Variants in DTL observed in about 807,000 individuals in gnomAD.
DTL encodes denticleless E3 ubiquitin protein ligase adapter.
DTL carries 46 observed loss-of-function variants against 87.0 expected under a neutral mutation model. That is an observed-to-expected ratio of 0.53 (90% confidence interval 0.42 to 0.68). DTL has a LOEUF of 0.68. Among genes scored for constraint, DTL ranks in the 30% least tolerant of loss-of-function variants. The probability of loss-of-function intolerance (pLI) is 0.00; values close to 1 mark genes in which losing one functional copy is unlikely to be tolerated. For missense variants in DTL, 737 were observed against 869.4 expected, an observed-to-expected ratio of 0.85 and a Z score of 1.91; for synonymous variants, 308 against 311.2, an observed-to-expected ratio of 0.99 and a Z score of 0.11.
At chr1:212,036,359 T>C (rs78450308) in intron 1 of DTL, among the ~76,000 whole-genome samples, 3,089 of 152,308 alleles carry the variant, frequency 0.02, 33 homozygotes, top group African/African-American at 0.026. Context: ...TATAGGTATA[T>C]ACCAGTGAAT....
At chr1:212,038,525 AT>A (rs1667551003) in intron 1 of DTL, among the ~76,000 whole-genome samples, 1 of 152,222 alleles carries the variant, frequency 6.6e-6, no homozygotes, top group Admixed American at 6.5e-5. Context: ...CATTCAAAAC[AT>A]TTCGTTAAAA....
At chr1:212,084,593 C>G (rs1324202458) in intron 13 of DTL, among the ~76,000 whole-genome samples, 1 of 152,182 alleles carries the variant, frequency 6.6e-6, no homozygotes, top group Non-Finnish European at 1.5e-5. Context: ...CTCATAGTTT[C>G]CCTTTCCCAG....
rs761480954 is a variant in DTL, at chr1:212,042,992, G to A, written c.53-1G>A. 6.3e-7 allele frequency: 1 copy of A among 1,597,694 alleles called. No homozygotes were observed. The highest frequency in any genetic ancestry group is 1.1e-5 in the South Asian group (1 of 87,612). ...TTCTATAAGGAATTATCTTGTTTTA[G>A]GATGGTCTTCACAATACCCTCTTCA... On this transcript the variant is annotated splice_acceptor_variant, in intron 1 of 14. Coordinates refer to ENST00000366991, the MANE Select transcript of DTL (RefSeq NM_016448.4). LOFTEE classifies it high-confidence loss of function.
At chr1:212,098,510 G>T (rs75084024) in intron 13 of DTL, among the ~76,000 whole-genome samples, 115 of 152,180 alleles carry the variant, frequency 7.6e-4, no homozygotes, top group African/African-American at 2.6e-3. Flanking sequence ...CTACCAGGGC[G>T]GTTAGAGAAA....
intron 10 of DTL, among the ~76,000 whole-genome samples, chr1:212,069,548 A>AT (rs397863295): frequency 0.02 from 2,949 of 144,486 alleles, 28 homozygotes; most frequent in Non-Finnish European, 0.022. Flanking sequence ...ATAGATATAA[A>AT]TTTTTTTTTT....
At chr1:212,092,150 T>C (rs1273421744) in intron 13 of DTL, among the ~76,000 whole-genome samples, 2 of 152,208 alleles carry the variant, frequency 1.3e-5, no homozygotes, top group Non-Finnish European at 2.9e-5. Flanking sequence ...ATTGTATCAT[T>C]CTTATGCCTT....
At chr1:212,059,427 A>T (rs183576768) in intron 5 of DTL, among the ~76,000 whole-genome samples, 4 of 152,320 alleles carry the variant, frequency 2.6e-5, no homozygotes, top group Admixed American at 2.0e-4. Context: ...AAACCATATG[A>T]TCATTTTAGT....
rs1655706114 is a variant in DTL, at chr1:212,104,219, T to C, written c.*1279T>C. ...GGAGCCCCCTTCCAGTCATGAAACT[T>C]CATTTGTTTTATCCATATCCCTGAG... On this transcript the variant is annotated 3_prime_UTR_variant, in exon 15 of 15. Transcript: ENST00000366991. The C allele has an allele frequency of 6.6e-6, 1 of 152,252 alleles. No homozygotes were observed. Among genetic ancestry groups the C allele is most frequent in the South Asian group, 2.1e-4 (1 of 4,834 alleles). 9.4% of individuals were successfully genotyped at this position (152,252 alleles called of 1,614,324 possible).
chr1:212,102,870 A>G lies in DTL; in HGVS notation c.2123A>G (p.Lys708Arg), dbSNP rs139304251. The G allele has an allele frequency of 8.1e-6, 13 of 1,612,692 alleles. No individual in the cohort carries two copies. The African/African-American group carries it at 1.7e-4, about 22-fold the overall frequency. ...ACCATCACGCCCAGCTCCATGAGGA[A>G]AATCTGCACATACTTCCATAGAAAG... ...PVTITPSSMR[K>R]ICTYFHRKSQ... The change falls in exon 15 of 15, where the codon AAA becomes AGA. Residue 708 changes from lysine to arginine, a missense_variant. Lys to Arg is a conservative substitution (Grantham distance 26). Transcript: ENST00000366991.
chr1:212,088,018 T>C (rs957040967), intron 13 of DTL, among the ~76,000 whole-genome samples: 1 of 152,210 alleles, frequency 6.6e-6, no homozygotes, highest in African/African-American at 2.4e-5. Context: ...CATAGCACTG[T>C]TGAAACCAAT....
At chr1:212,049,108 A>G (rs1667888956) in intron 5 of DTL, among the ~76,000 whole-genome samples, 1 of 152,174 alleles carries the variant, frequency 6.6e-6, no homozygotes, top group Non-Finnish European at 1.5e-5. Flanking sequence ...TTTTTAGTAG[A>G]GACAGGGTTT....
intron 13 of DTL, among the ~76,000 whole-genome samples, chr1:212,094,403 TTGTC>T (rs1558090908): frequency 2.0e-5 from 3 of 152,178 alleles, no homozygotes. Flanking sequence ...TGAAGATTAT[TTGTC>T]TGTAAGTATT....
chr1:212,065,230 T>C (rs1308311888), intron 7 of DTL, among the ~76,000 whole-genome samples: 1 of 152,190 alleles, frequency 6.6e-6, no homozygotes, highest in Non-Finnish European at 1.5e-5. Flanking sequence ...ACCTATATTA[T>C]TGATGGAATT....
At chr1:212,057,985 G>A (rs546694813) in intron 5 of DTL, among the ~76,000 whole-genome samples, 2 of 152,040 alleles carry the variant, frequency 1.3e-5, no homozygotes, top group African/African-American at 4.8e-5. Flanking sequence ...AGAAACGAAG[G>A]TTATTCTATG....
chr1:212,077,706 A>G (rs771462762), intron 11 of DTL: 1 of 153,830 alleles, frequency 6.5e-6, no homozygotes, highest in East Asian at 1.9e-4. Context: ...AGAAATCTTC[A>G]GGTTTCACAG....
intron 5 of DTL, among the ~76,000 whole-genome samples, chr1:212,052,954 A>G (rs942682600): frequency 3.9e-5 from 6 of 152,186 alleles, no homozygotes; most frequent in Non-Finnish European, 7.3e-5. Flanking sequence ...TCAGTCCAAA[A>G]AGAAACTTGA....
chr1:212,092,914 T>C (rs1655328369), intron 13 of DTL, among the ~76,000 whole-genome samples: 1 of 152,130 alleles, frequency 6.6e-6, no homozygotes, highest in Non-Finnish European at 1.5e-5. Flanking sequence ...TTCCACCACA[T>C]CCACCCCAAT....
At chr1:212,084,850 G>A (rs568568241) in intron 13 of DTL, among the ~76,000 whole-genome samples, 6 of 152,208 alleles carry the variant, frequency 3.9e-5, no homozygotes, top group Non-Finnish European at 5.9e-5. Flanking sequence ...TTAGTATGCA[G>A]TTGTCCCTCA....
chr1:212,068,380 A>C lies in DTL; in HGVS notation c.817+53A>C, dbSNP rs1221614788. ...AGATAAGAGTTTTTGTTTAAAAAAA[A>C]AAAAAAAGGCTAATTTCCAGTAACA... On this transcript the variant is annotated intron_variant, in intron 9 of 14. Transcript: ENST00000366991. The C allele has an allele frequency of 1.6e-5, 20 of 1,254,998 alleles. 1 individual carries two copies. Among genetic ancestry groups the C allele is most frequent in the Non-Finnish European group, 2.2e-5 (20 of 891,576 alleles). The allele number at this position is 1,254,998 out of a possible 1,614,324, so 77.7% of individuals were successfully genotyped here. A position where few individuals can be genotyped will look rare whatever the true frequency, so the allele number is the denominator to read the frequency against.
Sources: allele counts gnomAD v4.1 joint callset (sites outside exome capture counted in the v4.1 genomes callset), GRCh38; gene constraint gnomAD v4.1.1; transcripts MANE v1.5; gene names NCBI Gene and HGNC (gene_info 2026-07-23, HGNC 2026-07-21).